PARD3B: variants seen among roughly 807,000 people sequenced by gnomAD.
The protein encoded by PARD3B is par-3 family cell polarity regulator beta, also known as partitioning defective 3 homolog B.
PARD3B carries 103 observed loss-of-function variants against 130.2 expected under a neutral mutation model. The ratio of observed to expected loss-of-function variants is 0.79; its 90% confidence interval spans 0.67 to 0.93. The LOEUF is 0.93. Among genes scored for constraint, PARD3B ranks in the 40% least tolerant of loss-of-function variants. The pLI is 0.00. For missense variants in PARD3B, 1,609 were observed against 1,499.2 expected (o/e 1.07, Z -1.21); for synonymous variants, 583 against 553.2 (o/e 1.05, Z -0.76).
chr2:205,178,222 G>GT lies in PARD3B; in HGVS notation c.1924+1645_1924+1646insT, dbSNP rs1405067604. On this transcript the variant is annotated intron_variant, in intron 13 of 22. Coordinates refer to ENST00000406610, the MANE Select transcript of PARD3B (RefSeq NM_001302769.2). ...ACATGCCTGTAATCCCAGCTACTAT[G>GT]GGGGGGGAAAAAAAAAAGAAGAAGC... 5.5e-4 allele frequency among the ~76,000 whole-genome samples: 13 copies of GT among 23,492 alleles called. No individual in the cohort carries two copies. The East Asian group carries it at 9.2e-3, about 17-fold the overall frequency. 15.4% of individuals were successfully genotyped at this position (23,492 alleles called of 152,430 possible). A position where few individuals can be genotyped will look rare whatever the true frequency, so the allele number is the denominator to read the frequency against.
chr2:204,764,855 C>T (rs1244716634), intron 2 of PARD3B, among the ~76,000 whole-genome samples: 1 of 151,980 alleles, frequency 6.6e-6, no homozygotes. Context: ...TTCATTCCTT[C>T]CCTCCTCCCT....
chr2:204,729,922 T>A (rs995472), intron 2 of PARD3B, among the ~76,000 whole-genome samples: 30,789 of 151,670 alleles, frequency 0.2, 3,187 homozygotes, highest in African/African-American at 0.23. Context: ...CCCAGGATTA[T>A]TGATTCCTCC....
intron 1 of PARD3B, among the ~76,000 whole-genome samples, chr2:204,653,925 T>C (rs2035564802): frequency 6.6e-6 from 1 of 151,192 alleles, no homozygotes. Flanking sequence ...CAACGTACAC[T>C]ATTTCCCCAG....
At chr2:204,969,911 C>T (rs1344423067) in intron 3 of PARD3B, among the ~76,000 whole-genome samples, 2 of 151,840 alleles carry the variant, frequency 1.3e-5, no homozygotes, top group Non-Finnish European at 2.9e-5. Context: ...CTTATCTTCT[C>T]ATCCCGTGTG....
chr2:204,911,645 A>G (rs193164071), intron 2 of PARD3B, among the ~76,000 whole-genome samples: 126 of 152,270 alleles, frequency 8.3e-4, no homozygotes, highest in African/African-American at 2.8e-3. Context: ...TGGCGTTTCC[A>G]TCCTTGGTAC....
At chr2:204,851,561 G>A (rs980446183) in intron 2 of PARD3B, among the ~76,000 whole-genome samples, 5 of 152,116 alleles carry the variant, frequency 3.3e-5, no homozygotes, top group Non-Finnish European at 5.9e-5. Context: ...TTGTTTTGCT[G>A]TGACTATCCA....
rs111891900 is a variant in PARD3B, at chr2:205,496,748, A to AT, written c.3045-3138dup. Reference sequence around the variant, plus strand: ...AAGAATAGTTTACAGTCTCAGTACAATTTTTTTTTTCCACCACAAATGGAA... The same window carrying AT: ...AAGAATAGTTTACAGTCTCAGTACAATTTTTTTTTTTCCACCACAAATGGAA... On this transcript the variant is annotated intron_variant, in intron 20 of 22. Transcript: ENST00000406610. 3.0e-3 allele frequency among the ~76,000 whole-genome samples: 456 copies of AT among 149,720 alleles called. 2 individuals are homozygous for AT. The highest frequency in any genetic ancestry group is 8.6e-3 in the African/African-American group (351 of 40,904).
rs181652775 is a variant in PARD3B, at chr2:204,702,105, A to G, written c.222+15823A>G. On this transcript the variant is annotated intron_variant, in intron 2 of 22. Coordinates refer to ENST00000406610, the MANE Select transcript of PARD3B (RefSeq NM_001302769.2). Reference sequence around the variant, plus strand: ...TTTTTTATGGCTGCGTAGTAATTCTATGGGATATATGTACCACATTTTCTT... The same window carrying G: ...TTTTTTATGGCTGCGTAGTAATTCTGTGGGATATATGTACCACATTTTCTT... Among the ~76,000 whole-genome samples the G allele has an allele frequency of 8.5e-5, 13 of 152,218 alleles. No homozygotes were observed. The East Asian group carries it at 9.7e-4, about 11-fold the overall frequency.
At chr2:204,593,648 G>C (rs2033165460) in intron 1 of PARD3B, among the ~76,000 whole-genome samples, 1 of 152,094 alleles carries the variant, frequency 6.6e-6, no homozygotes, top group East Asian at 1.9e-4. Flanking sequence ...AATTTTCTAG[G>C]TAAATACTGG....
intron 2 of PARD3B, among the ~76,000 whole-genome samples, chr2:204,783,593 T>C (rs1338336229): frequency 2.0e-5 from 3 of 152,062 alleles, no homozygotes; most frequent in Non-Finnish European, 2.9e-5. Flanking sequence ...GTAATTGTGG[T>C]TTTTGCCATT....
chr2:205,211,488 T>A (rs2037630358), intron 15 of PARD3B, among the ~76,000 whole-genome samples: 1 of 151,968 alleles, frequency 6.6e-6, no homozygotes, highest in African/African-American at 2.4e-5. Context: ...TTAGTGGAAA[T>A]ACTCTCATGA....
chr2:204,719,276 G>A (rs544099825), intron 2 of PARD3B, among the ~76,000 whole-genome samples: 2 of 152,254 alleles, frequency 1.3e-5, no homozygotes, highest in African/African-American at 4.8e-5. Flanking sequence ...CAAGGCTAAC[G>A]GAGACTATTT....
chr2:204,730,872 T>C (rs1327230397), intron 2 of PARD3B, among the ~76,000 whole-genome samples: 1 of 152,224 alleles, frequency 6.6e-6, no homozygotes, highest in Admixed American at 6.5e-5. Flanking sequence ...CAAATTCTTC[T>C]CTGCCATGAT....
chr2:204,752,681 T>G (rs1270779314), intron 2 of PARD3B, among the ~76,000 whole-genome samples: 1 of 152,164 alleles, frequency 6.6e-6, no homozygotes, highest in Non-Finnish European at 1.5e-5. Context: ...ATCCTTTAAT[T>G]TCTGATTTTA....
intron 1 of PARD3B, among the ~76,000 whole-genome samples, chr2:204,556,356 T>C (rs1009642833): frequency 1.3e-5 from 2 of 152,180 alleles, no homozygotes; most frequent in Non-Finnish European, 2.9e-5. Context: ...CTCTACTAGC[T>C]GTGAAGATAA....
chr2:204,647,498 A>T (rs184312602), intron 1 of PARD3B, among the ~76,000 whole-genome samples: 69 of 151,672 alleles, frequency 4.5e-4, no homozygotes, highest in African/African-American at 1.6e-3. Context: ...ATTATTTCTA[A>T]TTCACTGAAA....
Position 205,584,929 on chromosome 2 carries a change from C to A in PARD3B, c.3261-30527C>A, listed in dbSNP as rs141725444. 1.3e-5 allele frequency among the ~76,000 whole-genome samples: 2 copies of A among 152,270 alleles called. No homozygotes were observed. Among genetic ancestry groups the A allele is most frequent in the African/African-American group, 4.8e-5 (2 of 41,558 alleles). ...CTGGATTTCTGGATAATTGCACCCA[C>A]AAGTGGCTACATGCAGACACAATTA... On this transcript the variant is annotated intron_variant, in intron 22 of 22. Coordinates refer to ENST00000406610, the MANE Select transcript of PARD3B (RefSeq NM_001302769.2). This position sits in a 1 kb window ranked among gnomAD's most constrained non-coding sequence, Gnocchi z 5.5.
intron 21 of PARD3B, among the ~76,000 whole-genome samples, chr2:205,548,657 C>T (rs556605600): frequency 6.6e-6 from 1 of 152,190 alleles, no homozygotes; most frequent in Non-Finnish European, 1.5e-5. Flanking sequence ...ATCTTAAAAA[C>T]TATAAATTCC....
Position 204,862,287 on chromosome 2 carries a change from T to C in PARD3B, c.223-102865T>C, listed in dbSNP as rs569043232. Among the ~76,000 whole-genome samples, 361 of 152,340 alleles carry C rather than the reference T, an allele frequency of 2.4e-3. 4 individuals carry two copies. The highest frequency in any genetic ancestry group is 5.4e-4 in the Non-Finnish European group (37 of 68,032). On this transcript the variant is annotated intron_variant, in intron 2 of 22. Transcript: ENST00000406610. ...CAGCCCTCACTGTGACTTCGTCTTA[T>C]GCAAGTCACATCACTTTACCTCCCT...
Sources: gnomAD v4.1 joint callset for allele counts (sites outside exome capture counted in the v4.1 genomes callset) on GRCh38, gnomAD v4.1.1 for gene constraint, Gnocchi (gnomAD v3.1) non-coding constraint, MANE v1.5 for transcripts, NCBI Gene and HGNC (gene_info 2026-07-23, HGNC 2026-07-21) for gene names.